Variants in CNTN6 observed in about 807,000 individuals in gnomAD.
CNTN6 encodes contactin-6.
A neutral mutation model predicts 122.8 loss-of-function variants in CNTN6; 137 were observed. That is an observed-to-expected ratio of 1.12 (90% CI 0.97 to 1.29). The LOEUF (loss-of-function observed/expected upper bound fraction) is 1.29. CNTN6 is among the 50% of genes most tolerant of loss of function. The pLI, the probability that CNTN6 is intolerant of heterozygous loss-of-function variation, is 0.00. For missense variants in CNTN6, 1,634 were observed against 1,223.4 expected (o/e 1.34, Z -5.01); for synonymous variants, 570 against 426.0 (o/e 1.34, Z -4.16).
chr3:1,314,630 T>G (rs1699843724), intron 7 of CNTN6, among the ~76,000 whole-genome samples: 1 of 152,054 alleles, frequency 6.6e-6, no homozygotes, highest in Non-Finnish European at 1.5e-5. Context: ...GGTCAGATGG[T>G]TAAGAAGTGT....
At chr3:1,342,068 G>C (rs780597735) in intron 11 of CNTN6, among the ~76,000 whole-genome samples, 2 of 151,718 alleles carry the variant, frequency 1.3e-5, no homozygotes, top group Non-Finnish European at 1.5e-5. Flanking sequence ...TGTATTTCTC[G>C]ATTTTGTTGA....
Position 1,255,659 on chromosome 3 carries a change from A to G in CNTN6, c.359-22754A>G, listed in dbSNP as rs117888524. Among the ~76,000 whole-genome samples, 5 of 152,086 alleles carry G rather than the reference A, an allele frequency of 3.3e-5. No homozygotes were observed. In the East Asian group the frequency reaches 9.7e-4, roughly 29 times the overall value. Reference sequence around the variant, plus strand: ...TACATGATTTAATCGATTATATATAATCTAAGTTTAAAATTATTTTTATTA... The same window carrying G: ...TACATGATTTAATCGATTATATATAGTCTAAGTTTAAAATTATTTTTATTA... On this transcript the variant is annotated intron_variant, in intron 4 of 22. Transcript: ENST00000446702.
intron 1 of CNTN6, among the ~76,000 whole-genome samples, chr3:1,132,370 C>T (rs1401696681): frequency 6.6e-6 from 1 of 152,064 alleles, no homozygotes; most frequent in East Asian, 1.9e-4. Context: ...TCTAAAGACA[C>T]ACCTACTCTG....
At chr3:1,258,795 C>T (rs73109286) in intron 4 of CNTN6, among the ~76,000 whole-genome samples, 3,736 of 152,128 alleles carry the variant, frequency 0.025, 152 homozygotes, top group African/African-American at 0.085. Flanking sequence ...TAGAGTGCTT[C>T]CATTTTCTTT....
chr3:1,234,813 A>T (rs1051737720), intron 4 of CNTN6, among the ~76,000 whole-genome samples: 7 of 152,222 alleles, frequency 4.6e-5, no homozygotes, highest in Admixed American at 2.0e-4. Flanking sequence ...TAGCATAAGC[A>T]ATGTTACAAT....
At chr3:1,373,490 A>G in intron 14 of CNTN6, 114 bp from the exon 15 acceptor site, 2 of 936,028 alleles carry the variant, frequency 2.1e-6, no homozygotes, top group Non-Finnish European at 3.2e-6. Context: ...CTATAAATAC[A>G]TTATGGTCAA....
At chr3:1,377,112 G>A (rs766830566) in intron 17 of CNTN6, 37 bp downstream of exon 17, 2 of 1,405,314 alleles carry the variant, frequency 1.4e-6, no homozygotes, top group Non-Finnish European at 2.0e-6. Context: ...TTGAAGAAAA[G>A]AGATTTAACT....
chr3:1,329,637 A>G (rs967851561), intron 10 of CNTN6, 148 bp from the exon 11 acceptor site: 2 of 561,606 alleles, frequency 3.6e-6, no homozygotes, highest in Non-Finnish European at 6.1e-6. Context: ...TTAAGTCAGT[A>G]TTTGGTCCAA....
intron 4 of CNTN6, among the ~76,000 whole-genome samples, chr3:1,255,924 G>C (rs577886498): frequency 1.3e-5 from 2 of 152,004 alleles, no homozygotes; most frequent in Non-Finnish European, 2.9e-5. Flanking sequence ...CTTGAGTACA[G>C]TGGAGAGATC....
At chr3:1,127,282 A>G (rs1346055678) in intron 1 of CNTN6, among the ~76,000 whole-genome samples, 2 of 151,814 alleles carry the variant, frequency 1.3e-5, no homozygotes, top group Admixed American at 1.3e-4. Flanking sequence ...TTATTTGGAA[A>G]CTCAACTTTA....
chr3:1,362,188 G>A (rs1707563077), intron 12 of CNTN6, among the ~76,000 whole-genome samples: 1 of 151,998 alleles, frequency 6.6e-6, no homozygotes, highest in Admixed American at 6.6e-5. Context: ...TTTTATAATT[G>A]CATGCTTGAA....
intron 2 of CNTN6, among the ~76,000 whole-genome samples, chr3:1,172,979 G>A (rs2093385838): frequency 1.3e-5 from 2 of 152,166 alleles, no homozygotes; most frequent in African/African-American, 2.4e-5. Context: ...CTTTCTCCAG[G>A]AGTGGAGGGT....
intron 4 of CNTN6, among the ~76,000 whole-genome samples, chr3:1,252,870 C>T (rs902603887): frequency 6.6e-6 from 1 of 152,052 alleles, no homozygotes; most frequent in Non-Finnish European, 1.5e-5. Context: ...CACTGTAAAT[C>T]CGGTTGGATT....
intron 1 of CNTN6, among the ~76,000 whole-genome samples, chr3:1,118,548 C>T (rs2091820717): frequency 6.6e-6 from 1 of 152,112 alleles, no homozygotes; most frequent in East Asian, 1.9e-4. Context: ...AACTATCATT[C>T]ATCTTTATTA....
chr3:1,366,781 TG>T (rs1458650801), intron 12 of CNTN6, among the ~76,000 whole-genome samples: 2 of 152,080 alleles, frequency 1.3e-5, no homozygotes, highest in Non-Finnish European at 2.9e-5. Context: ...CTGCCTGTGG[TG>T]GGTGGAGAGG....
At position 1,327,529 on chromosome 3, in the gene CNTN6, T is replaced by C; in HGVS notation, c.1156T>C (p.Cys386Arg). Reference protein sequence around the residue: ...LNVSDSGVYQCAAENKYQIIY... With the variant: ...LNVSDSGVYQRAAENKYQIIY... ...TGTGTCAGATTCTGGTGTGTACCAA[T>C]GTGCTGCAGAAAACAAATATCAGAT... The change falls in exon 10 of 23, where the codon TGT (cysteine) becomes CGT (arginine). Residue 386 changes from cysteine (C) to arginine (R), a missense_variant. Physicochemically the swap from Cys to Arg is radical, Grantham distance 180. Transcript: ENST00000446702. The C allele has an allele frequency of 6.2e-7, 1 of 1,611,016 alleles. No individual in the cohort carries two copies. The highest frequency in any genetic ancestry group is 8.5e-7 in the Non-Finnish European group (1 of 1,178,146).
At chr3:1,168,938 T>A (rs1211604844) in intron 2 of CNTN6, among the ~76,000 whole-genome samples, 2 of 152,142 alleles carry the variant, frequency 1.3e-5, no homozygotes, top group African/African-American at 4.8e-5. Flanking sequence ...ATTGCTGATA[T>A]AGAGAATAAC....
intron 5 of CNTN6, among the ~76,000 whole-genome samples, chr3:1,281,983 T>TACACACAC (rs3836238): frequency 4.7e-4 from 71 of 149,906 alleles, no homozygotes; most frequent in African/African-American, 1.7e-3. Flanking sequence ...TATATAGGTA[T>TACACACAC]ACACACACAC....
chr3:1,387,058 C>A (rs187539907), intron 20 of CNTN6, among the ~76,000 whole-genome samples: 256 of 152,290 alleles, frequency 1.7e-3, no homozygotes, highest in African/African-American at 5.8e-3. Flanking sequence ...CATTGACTCA[C>A]AACTTGAAAT....
Sources: allele counts gnomAD v4.1 joint callset (sites outside exome capture counted in the v4.1 genomes callset), GRCh38; gene constraint gnomAD v4.1.1; transcripts MANE v1.5; gene names NCBI Gene and HGNC (gene_info 2026-07-23, HGNC 2026-07-21).